Variants in PRKG1 observed in about 807,000 individuals in gnomAD.
The protein encoded by PRKG1 is cGMP-dependent protein kinase 1.
Under a neutral mutation model 88.1 loss-of-function variants are expected in PRKG1, and 35 were observed. The ratio of observed to expected loss-of-function variants is 0.40; its 90% CI spans 0.30 to 0.53. The LOEUF (loss-of-function observed/expected upper bound fraction) is 0.53. Among genes scored for constraint, PRKG1 ranks in the 20% least tolerant of loss-of-function variants. The pLI, the probability that PRKG1 is intolerant of heterozygous loss-of-function variation, is 0.59. For synonymous variants in PRKG1, 303 were observed against 292.5 expected (o/e 1.04, Z -0.37); for missense variants, 540 against 839.8 (o/e 0.64, Z 4.41).
intron 9 of PRKG1, among the ~76,000 whole-genome samples, chr10:52,209,331 A>G (rs1178859909): frequency 6.6e-6 from 1 of 152,210 alleles, no homozygotes; most frequent in African/African-American, 2.4e-5. Flanking sequence ...TTCATGTGTC[A>G]GAAAGTATTA....
chr10:51,622,249 A>G (rs1005423795), intron 3 of PRKG1, among the ~76,000 whole-genome samples: 1 of 152,220 alleles, frequency 6.6e-6, no homozygotes, highest in Non-Finnish European at 1.5e-5. Context: ...CACCTGGAAA[A>G]GCTGGAATTA....
chr10:51,114,323 T>C (rs1355475892), intron 1 of PRKG1, among the ~76,000 whole-genome samples: 1 of 152,284 alleles, frequency 6.6e-6, no homozygotes, highest in South Asian at 2.1e-4. Context: ...TTCATTGATA[T>C]ATTTTGTTTT....
chr10:51,597,995 T>C lies in PRKG1; in HGVS notation c.592+130159T>C, dbSNP rs201047252. Reference sequence around the variant, plus strand: ...AGGAGATATATCCCTAAAACCTTAATAGCCACATGTTGTGCTAATGATAAT... The same window carrying C: ...AGGAGATATATCCCTAAAACCTTAACAGCCACATGTTGTGCTAATGATAAT... On this transcript the variant is annotated intron_variant, in intron 3 of 17. Coordinates refer to ENST00000373980, the MANE Select transcript of PRKG1 (RefSeq NM_006258.4). 3.9e-5 allele frequency among the ~76,000 whole-genome samples: 6 copies of C among 152,294 alleles called. No individual in the cohort carries two copies. In the East Asian group the frequency reaches 9.6e-4, roughly 24 times the overall value.
chr10:52,139,150 G>T (rs1485724823), intron 8 of PRKG1, among the ~76,000 whole-genome samples: 1 of 152,070 alleles, frequency 6.6e-6, no homozygotes, highest in East Asian at 1.9e-4. Flanking sequence ...AGATAACAAG[G>T]AATGTCTGAT....
chr10:51,733,656 A>C (rs1837179370), intron 3 of PRKG1, among the ~76,000 whole-genome samples: 1 of 152,232 alleles, frequency 6.6e-6, no homozygotes, highest in African/African-American at 2.4e-5. Context: ...TAACAGGCTT[A>C]AGTGAAGTTT....
intron 4 of PRKG1, among the ~76,000 whole-genome samples, chr10:51,850,652 C>G (rs986814928): frequency 2.8e-4 from 43 of 152,082 alleles, no homozygotes; most frequent in Non-Finnish European, 1.2e-4. Context: ...ATAAAGAAAA[C>G]ATACCTACAG....
chr10:51,254,795 T>G (rs1356421580), intron 2 of PRKG1, among the ~76,000 whole-genome samples: 1 of 152,032 alleles, frequency 6.6e-6, no homozygotes, highest in African/African-American at 2.4e-5. Context: ...AGATTTTCAT[T>G]GAAACCAAAT....
chr10:51,843,379 C>T (rs1840326874), intron 4 of PRKG1, among the ~76,000 whole-genome samples: 1 of 152,130 alleles, frequency 6.6e-6, no homozygotes, highest in Non-Finnish European at 1.5e-5. Flanking sequence ...TATACCAAGT[C>T]AGGCAGTAGC....
intron 5 of PRKG1, among the ~76,000 whole-genome samples, chr10:51,986,343 C>T (rs2133119083): frequency 6.6e-6 from 1 of 152,266 alleles, no homozygotes; most frequent in East Asian, 1.9e-4. Flanking sequence ...TTCTAAACCT[C>T]TATTGTTCAG....
At chr10:52,017,356 C>A (rs1564431418) in intron 5 of PRKG1, among the ~76,000 whole-genome samples, 1 of 152,138 alleles carries the variant, frequency 6.6e-6, no homozygotes, top group Admixed American at 6.6e-5. Context: ...CAGACAGTGT[C>A]ATGGCTTGAA....
At chr10:51,737,623 G>A (rs963158614) in intron 3 of PRKG1, among the ~76,000 whole-genome samples, 9 of 151,998 alleles carry the variant, frequency 5.9e-5, no homozygotes, top group African/African-American at 2.2e-4. Context: ...CATCTACAGA[G>A]CTATTAGAAA....
At chr10:51,460,032 A>G (rs1839704868) in intron 2 of PRKG1, among the ~76,000 whole-genome samples, 4 of 151,988 alleles carry the variant, frequency 2.6e-5, no homozygotes, top group Non-Finnish European at 5.9e-5. Flanking sequence ...GGACTTCTCA[A>G]CTCTGGCACT....
chr10:51,864,413 A>G (rs1840963880), intron 4 of PRKG1, among the ~76,000 whole-genome samples: 1 of 152,206 alleles, frequency 6.6e-6, no homozygotes, highest in African/African-American at 2.4e-5. Context: ...ATAATTTTAA[A>G]AAGTTTGGAA....
chr10:51,498,034 C>A (rs1169700489), intron 3 of PRKG1, among the ~76,000 whole-genome samples: 1 of 152,092 alleles, frequency 6.6e-6, no homozygotes, highest in African/African-American at 2.4e-5. Flanking sequence ...TTTTTCTGAA[C>A]CTCAAGGAGT....
intron 3 of PRKG1, among the ~76,000 whole-genome samples, chr10:51,625,118 T>C (rs1420101397): frequency 3.3e-5 from 5 of 152,220 alleles, no homozygotes; most frequent in African/African-American, 1.2e-4. Context: ...TACCCTGCTT[T>C]GATCATTATA....
intron 1 of PRKG1, among the ~76,000 whole-genome samples, chr10:51,054,706 G>T (rs1231967999): frequency 6.6e-6 from 1 of 152,024 alleles, no homozygotes; most frequent in African/African-American, 2.4e-5. Flanking sequence ...TATAATTGTT[G>T]GATCATGATA....
chr10:51,081,812 A>C (rs2131850802), intron 1 of PRKG1, among the ~76,000 whole-genome samples: 1 of 152,322 alleles, frequency 6.6e-6, no homozygotes, highest in Middle Eastern at 3.4e-3. Context: ...GCTGGAGTGC[A>C]GTGACACAGC....
At chr10:52,190,070 T>C (rs1461656585) in intron 9 of PRKG1, among the ~76,000 whole-genome samples, 2 of 152,200 alleles carry the variant, frequency 1.3e-5, no homozygotes, top group African/African-American at 2.4e-5. Flanking sequence ...TTATGAAAAC[T>C]CTTAACCAGA....
chr10:51,329,158 C>A (rs971120602), intron 2 of PRKG1, among the ~76,000 whole-genome samples: 4 of 152,068 alleles, frequency 2.6e-5, no homozygotes, highest in African/African-American at 9.7e-5. Flanking sequence ...GTCATGGAAC[C>A]TTTTCCCTAG....
Sources: gnomAD v4.1 joint callset for allele counts (sites outside exome capture counted in the v4.1 genomes callset) on GRCh38, gnomAD v4.1.1 for gene constraint, MANE v1.5 for transcripts, NCBI Gene and HGNC (gene_info 2026-07-23, HGNC 2026-07-21) for gene names.